AOPEP: variants seen among roughly 807,000 people sequenced by gnomAD.
AOPEP encodes aminopeptidase O.
In AOPEP, 77 loss-of-function variants were observed where a neutral mutation model predicts 98.1. That is an observed-to-expected ratio of 0.78 (90% CI 0.65 to 0.95). The LOEUF (loss-of-function observed/expected upper bound fraction) is 0.95, where lower values mean the gene tolerates loss of function less well. Among genes scored for constraint, AOPEP ranks in the 40% least tolerant of loss-of-function variants. The pLI is 0.00. For missense variants in AOPEP, 1,024 were observed against 1,024.7 expected (o/e 1.00, Z 0.01); for synonymous variants, 346 against 365.3 (o/e 0.95, Z 0.60).
At chr9:95,060,634 T>G (rs763046560) in intron 13 of AOPEP, 60 bp from the exon 14 acceptor site, 1 of 1,080,342 alleles carries the variant, frequency 9.3e-7, no homozygotes, top group South Asian at 1.2e-5. Context: ...TCTGAACATT[T>G]GGGTGTTGTT....
Position 94,993,756 on chromosome 9 carries a change from C to T in AOPEP, c.1978-11402C>T, listed in dbSNP as rs12684766. 5.9e-5 allele frequency among the ~76,000 whole-genome samples: 9 copies of T among 152,146 alleles called. No homozygotes were observed. In the East Asian group the frequency reaches 1.3e-3, roughly 23 times the overall value. On this transcript the variant is annotated intron_variant, in intron 11 of 16. Transcript: ENST00000375315. ...TATTAGCCTTGACTTTGCAATATGA[C>T]ATTATTTATGCCAGAAGACTTCACA...
the AOPEP span, among the ~76,000 whole-genome samples, chr9:95,094,618 A>G: frequency 6.6e-6 from 1 of 152,196 alleles, no homozygotes; most frequent in Non-Finnish European, 1.5e-5. Context: ...CATTTAACAT[A>G]AAGTCTTCCA....
chr9:94,827,220 T>C (rs1854828640), intron 5 of AOPEP, among the ~76,000 whole-genome samples: 1 of 152,202 alleles, frequency 6.6e-6, no homozygotes, highest in African/African-American at 2.4e-5. Context: ...TCTACCAAAA[T>C]TGAAGTGCTT....
the AOPEP span, chr9:95,099,243 A>AAAACT: frequency 9.1e-6 from 2 of 219,146 alleles, no homozygotes; most frequent in East Asian, 6.7e-5. Context: ...TGCTTTATCA[A>AAAACT]AAACTAAACT....
At chr9:95,127,234 T>TG in the AOPEP span, 3 of 152,814 alleles carry the variant, frequency 2.0e-5, no homozygotes. Flanking sequence ...CCCTGGGAGC[T>TG]GGGGGGAGCT....
chr9:95,076,425 G>C (rs986186027), intron 14 of AOPEP, among the ~76,000 whole-genome samples: 7 of 152,144 alleles, frequency 4.6e-5, no homozygotes, highest in Admixed American at 1.3e-4. Context: ...TTTACTGTTA[G>C]GATGTAAACT....
chr9:94,837,259 A>C (rs1196695603), intron 5 of AOPEP, among the ~76,000 whole-genome samples: 1 of 152,220 alleles, frequency 6.6e-6, no homozygotes, highest in African/African-American at 2.4e-5. Context: ...TTGAAATGGT[A>C]ATAAAAAAAA....
At chr9:95,110,259 T>C in the AOPEP span, 1 of 1,008,810 alleles carries the variant, frequency 9.9e-7, no homozygotes, top group Non-Finnish European at 1.2e-6. Flanking sequence ...TTCTTTATAC[T>C]TCAAAAGTGA....
chr9:95,004,077 G>C (rs2061741364), intron 11 of AOPEP: 2 of 353,962 alleles, frequency 5.7e-6, no homozygotes, highest in Non-Finnish European at 5.6e-6. Context: ...AAGAAGGATG[G>C]AGTAGCAATA....
chr9:94,746,109 TGTTGTG>T (rs1432725933), intron 1 of AOPEP, among the ~76,000 whole-genome samples: 2 of 152,330 alleles, frequency 1.3e-5, no homozygotes, highest in Non-Finnish European at 2.9e-5. Context: ...GTGTGTCTAT[TGTTGTG>T]CCCGCCTCTC....
At chr9:94,834,793 AATGCATGCATGC>A (rs35018311) in intron 5 of AOPEP, among the ~76,000 whole-genome samples, 2 of 149,928 alleles carry the variant, frequency 1.3e-5, no homozygotes, top group African/African-American at 4.9e-5. Context: ...ACTGTCTCTA[AATGCATGCATGC>A]ATGCATGCAT....
At chr9:94,951,479 G>T (rs899510960) in intron 7 of AOPEP, among the ~76,000 whole-genome samples, 3 of 152,158 alleles carry the variant, frequency 2.0e-5, no homozygotes, top group African/African-American at 7.2e-5. Flanking sequence ...TTTTAAATGG[G>T]CATAAACAGG....
At chr9:94,789,402 C>T (rs540193385) in intron 3 of AOPEP, among the ~76,000 whole-genome samples, 1 of 152,198 alleles carries the variant, frequency 6.6e-6, no homozygotes, top group South Asian at 2.1e-4. Context: ...AAATGTACTT[C>T]AGAGAAGGAA....
At chr9:94,900,402 A>G (rs1291192120) in intron 5 of AOPEP, 1 of 152,248 alleles carries the variant, frequency 6.6e-6, no homozygotes, top group Non-Finnish European at 1.5e-5. Flanking sequence ...TCGTCAAGTA[A>G]TTCTCCTCGG....
intron 7 of AOPEP, chr9:94,931,906 A>G (rs1485454253): frequency 8.5e-7 from 1 of 1,173,476 alleles, no homozygotes; most frequent in Non-Finnish European, 1.2e-6. Flanking sequence ...TCTTGCTGGC[A>G]GGTTAACAGT....
intron 7 of AOPEP, among the ~76,000 whole-genome samples, chr9:94,953,010 C>T (rs1241512082): frequency 1.3e-5 from 2 of 152,214 alleles, no homozygotes; most frequent in Admixed American, 1.3e-4. Flanking sequence ...CATCATTCTT[C>T]TGTGTTCCTC....
chr9:94,963,598 AT>A (rs2058995690), intron 9 of AOPEP, among the ~76,000 whole-genome samples: 1 of 136,996 alleles, frequency 7.3e-6, no homozygotes, highest in Admixed American at 6.8e-5. Flanking sequence ...TGTTTTATCA[AT>A]AGATTTTGGG....
chr9:95,104,942 A>G, the AOPEP span, among the ~76,000 whole-genome samples: 6 of 152,160 alleles, frequency 3.9e-5, no homozygotes, highest in South Asian at 1.2e-3. Context: ...GAGAGCATGC[A>G]TTTGTCTCTC....
intron 13 of AOPEP, among the ~76,000 whole-genome samples, chr9:95,041,151 A>G (rs1293476582): frequency 6.6e-6 from 1 of 152,082 alleles, no homozygotes; most frequent in Admixed American, 6.5e-5. Context: ...CTACTTAGAC[A>G]TTTTGTCAGG....
Sources: allele counts gnomAD v4.1 joint callset (sites outside exome capture counted in the v4.1 genomes callset), GRCh38; gene constraint gnomAD v4.1.1; transcripts MANE v1.5; gene names NCBI Gene and HGNC (gene_info 2026-07-23, HGNC 2026-07-21).